Variants in GALK1 observed in about 807,000 individuals in gnomAD.
GALK1 encodes galactokinase.
In GALK1, 30 loss-of-function variants were observed where a neutral mutation model predicts 38.6. That is an observed-to-expected ratio of 0.78 (90% confidence interval 0.58 to 1.05). GALK1 has a LOEUF of 1.05. GALK1 is among the 50% of genes least tolerant of loss of function. The probability of loss-of-function intolerance (pLI) is 0.00; values close to 1 mark genes in which losing one functional copy is unlikely to be tolerated. For synonymous variants in GALK1, 240 were observed against 233.6 expected (o/e 1.03, Z -0.25); for missense variants, 512 against 540.5 (o/e 0.95, Z 0.52).
rs375660566 is a variant in GALK1 at position 75,763,313 on chromosome 17, C to G, written c.475+7G>C. 5 of 1,613,854 alleles carry G rather than the reference C, an allele frequency of 3.1e-6. No individual in the cohort carries two copies. The African/African-American group carries it at 4.0e-5, about 13-fold the overall frequency. ...GGGCTGGGTCAGGGCTGGGGCCTAG[C>G]TGGTACCTGGACAGAGCTGCTGGAG... On this transcript the variant is annotated splice_region_variant and intron_variant, in intron 3 of 7. Transcript: ENST00000588479.
intron 1 of GALK1, 132 bp downstream of exon 1, chr17:75,764,840 G>A (rs767885167): frequency 2.1e-6 from 2 of 971,982 alleles, no homozygotes; most frequent in South Asian, 3.1e-5. Flanking sequence ...TCCGTGCACC[G>A]GTGCTCCAGG....
At chr17:75,761,172 A>G (rs1599334333) in intron 5 of GALK1, among the ~76,000 whole-genome samples, 1 of 152,142 alleles carries the variant, frequency 6.6e-6, no homozygotes, top group Non-Finnish European at 1.5e-5. Context: ...ACTGCACTGC[A>G]GCCTGGGTGA....
At chr17:75,759,063 G>A (rs930032504) in intron 5 of GALK1, among the ~76,000 whole-genome samples, 5 of 152,238 alleles carry the variant, frequency 3.3e-5, no homozygotes, top group South Asian at 2.1e-4. Flanking sequence ...GGCCAAACCC[G>A]CAGGTTTAAG....
chr17:75,754,624 A>G, downstream of GALK1: 1 of 1,613,776 alleles, frequency 6.2e-7, no homozygotes, highest in East Asian at 2.2e-5. Context: ...GGCAGCACCA[A>G]CTCCCTGCAC....
chr17:75,756,821 T>C (rs1468350966), downstream of GALK1: 7 of 1,612,376 alleles, frequency 4.3e-6, no homozygotes, highest in Admixed American at 1.7e-5. Context: ...GGGGATATCG[T>C]CGGCTACCTG....
chr17:75,757,944 T>C lies in GALK1; in HGVS notation c.*112A>G. The C allele has an allele frequency of 2.4e-6, 3 of 1,246,148 alleles. No individual in the cohort carries two copies. Among genetic ancestry groups the C allele is most frequent in the South Asian group, 1.3e-5 (1 of 78,252 alleles). The allele number at this position is 1,246,148 out of a possible 1,614,324, so 77.2% of individuals were successfully genotyped here. On this transcript the variant is annotated 3_prime_UTR_variant, in exon 8 of 8. Coordinates refer to ENST00000588479, the MANE Select transcript of GALK1 (RefSeq NM_000154.2). ...ACCTCTAGAGGAGGCAGGTACCACA[T>C]TGGAGGCACAAGTTTATTGAGCACC...
At position 75,758,090 on chromosome 17, in the gene GALK1, T is replaced by C; in HGVS notation, c.1145A>G (p.Gln382Arg). ...CAGCACCTTGGCTCCATCGGCTGCTTGAGAGAGGTAGAAGGTGGCAGTCCC... is the reference window on the plus strand; with the variant it reads ...CAGCACCTTGGCTCCATCGGCTGCTCGAGAGAGGTAGAAGGTGGCAGTCCC... ...YGGTATFYLS[Q>R]AADGAKVLCL The change falls in exon 8 of 8, where the codon CAA becomes CGA. Residue 382 changes from glutamine (Q) to arginine (R), a missense_variant. Transcript: ENST00000588479. The C allele has an allele frequency of 6.2e-7, 1 of 1,611,768 alleles. No individual in the cohort carries two copies.
At chr17:75,751,935 A>C in intron 8 of GALK1, 1 of 586,152 alleles carries the variant, frequency 1.7e-6, no homozygotes, top group East Asian at 3.0e-5. Context: ...ACTTGAGTCC[A>C]GCCCTGGCTC....
chr17:75,751,862 A>G, intron 8 of GALK1: 2 of 450,768 alleles, frequency 4.4e-6, no homozygotes, highest in Non-Finnish European at 4.1e-6. Flanking sequence ...GGCAACCCCT[A>G]TGCGTGCCCT....
At chr17:75,752,101 C>A in intron 8 of GALK1, 2 of 1,513,566 alleles carry the variant, frequency 1.3e-6, no homozygotes, top group Non-Finnish European at 1.8e-6. Flanking sequence ...CACGGCCGTC[C>A]TGCTGTGTCA....
chr17:75,764,095 A>G lies in GALK1; in HGVS notation c.166-9T>C, dbSNP rs2143605624. On this transcript the variant is annotated splice_polypyrimidine_tract_variant and intron_variant, in intron 1 of 7. Transcript: ENST00000588479. Reference sequence around the variant, plus strand: ...GTCATGAGCTCCAGAGCCTGGCAGGAGAGACAAGCAGTACGTGAGGCTTCC... The same window carrying G: ...GTCATGAGCTCCAGAGCCTGGCAGGGGAGACAAGCAGTACGTGAGGCTTCC... The G allele has an allele frequency of 6.4e-7, 1 of 1,568,584 alleles. No homozygotes were observed. Among genetic ancestry groups the G allele is most frequent in the Non-Finnish European group, 8.6e-7 (1 of 1,161,526 alleles).
downstream of GALK1, chr17:75,755,057 C>A: frequency 1.3e-6 from 2 of 1,597,384 alleles, no homozygotes; most frequent in South Asian, 2.3e-5. Context: ...TGCCCTAGGC[C>A]TCCCTCCCAT....
At position 75,762,520 on chromosome 17, in the gene GALK1, A is replaced by C. The variant is rs935082523; in HGVS notation, c.793+184T>G. 7.9e-5 allele frequency among the ~76,000 whole-genome samples: 12 copies of C among 152,258 alleles called. No homozygotes were observed. The East Asian group carries it at 2.3e-3, about 29-fold the overall frequency. Reference sequence around the variant, plus strand: ...AACATGATTTTTCTGATTAGATAAGACCATTTTAGGATTTCAAGCAGCCCT... The same window carrying C: ...AACATGATTTTTCTGATTAGATAAGCCCATTTTAGGATTTCAAGCAGCCCT... On this transcript the variant is annotated intron_variant, in intron 5 of 7. Coordinates refer to ENST00000588479, the MANE Select transcript of GALK1 (RefSeq NM_000154.2).
Position 75,757,919 on chromosome 17 carries a change from A to T in GALK1, c.*137T>A, listed in dbSNP as rs773036056. The T allele has an allele frequency of 2.2e-5, 21 of 974,602 alleles. No individual in the cohort carries two copies. The highest frequency in any genetic ancestry group is 3.1e-5 in the Non-Finnish European group (20 of 634,980). The allele number at this position is 974,602 out of a possible 1,614,324, so 60.4% of individuals were successfully genotyped here. A position where few individuals can be genotyped will look rare whatever the true frequency, so the allele number is the denominator to read the frequency against. On this transcript the variant is annotated 3_prime_UTR_variant, in exon 8 of 8. Coordinates refer to ENST00000588479, the MANE Select transcript of GALK1 (RefSeq NM_000154.2). ...TTCTCTGACACCCAAGCATACACCC[A>T]CCTCTAGAGGAGGCAGGTACCACAT...
intron 5 of GALK1, 100 bp from the exon 6 acceptor site, chr17:75,758,699 G>A (rs897175769): frequency 3.5e-5 from 51 of 1,459,234 alleles, no homozygotes; most frequent in Admixed American, 2.2e-4. Flanking sequence ...CTGGCTGGAC[G>A]GTGAAGGGTG....
intron 8 of GALK1, chr17:75,752,144 T>C (rs1446724947): frequency 1.2e-6 from 2 of 1,611,878 alleles, no homozygotes; most frequent in East Asian, 4.5e-5. Flanking sequence ...GGGACCTGGG[T>C]GACCCTCTGA....
rs775856143 is a variant in GALK1, at chr17:75,764,998, A to C, written c.139T>G (p.Tyr47Asp). ...ATAGGCAGCACCAGGCCCTGGTTGTAGTCCGTGTGTTCCCCGATGAGGTTG... is the reference window on the plus strand; with the variant it reads ...ATAGGCAGCACCAGGCCCTGGTTGTCGTCCGTGTGTTCCCCGATGAGGTTG... ...RVNLIGEHTDYNQGLVLPMAL... is the reference protein window; with the variant it reads ...RVNLIGEHTDDNQGLVLPMAL... Residue 47 changes from tyrosine to aspartate, a missense_variant, in exon 1 of 8, where the codon TAC becomes GAC. Tyr to Asp is a radical substitution (Grantham distance 160). Coordinates refer to ENST00000588479, the MANE Select transcript of GALK1 (RefSeq NM_000154.2). The C allele has an allele frequency of 6.2e-7, 1 of 1,610,590 alleles. No individual in the cohort carries two copies. Among genetic ancestry groups the C allele is most frequent in the South Asian group, 1.1e-5 (1 of 90,754 alleles).
chr17:75,752,261 A>T, intron 8 of GALK1: 1 of 1,613,500 alleles, frequency 6.2e-7, no homozygotes, highest in Non-Finnish European at 8.5e-7. Flanking sequence ...TCCCAGCCCT[A>T]CCGCTACACG....
chr17:75,757,820 G>T, downstream of GALK1: 1 of 657,986 alleles, frequency 1.5e-6, no homozygotes. Context: ...CTACTGCTAG[G>T]CCCTGCCTTG....
Sources: allele counts gnomAD v4.1 joint callset (sites outside exome capture counted in the v4.1 genomes callset), GRCh38; gene constraint gnomAD v4.1.1; transcripts MANE v1.5; gene names NCBI Gene and HGNC (gene_info 2026-07-23, HGNC 2026-07-21).